BACH2: variants seen among roughly 807,000 people sequenced by gnomAD.
The protein encoded by BACH2 is transcription regulator protein BACH2.
A neutral mutation model predicts 61.8 loss-of-function variants in BACH2; 5 were observed. The observed-to-expected ratio is 0.08, with a 90% CI of 0.04 to 0.17. The LOEUF (loss-of-function observed/expected upper bound fraction) is 0.17, where lower values mean the gene tolerates loss of function less well. Ranked by LOEUF, BACH2 falls within the 10% of genes least tolerant of loss-of-function variation. BACH2 has a pLI of 1.00. For missense variants in BACH2, 824 were observed against 1,091.1 expected, an observed-to-expected ratio of 0.76 and a Z score of 3.45; for synonymous variants, 446 against 440.1, an observed-to-expected ratio of 1.01 and a Z score of -0.17.
At chr6:90,222,635 G>A (rs1769772183) in intron 3 of BACH2, among the ~76,000 whole-genome samples, 1 of 152,166 alleles carries the variant, frequency 6.6e-6, no homozygotes, top group African/African-American at 2.4e-5. Flanking sequence ...ACTTATGTAG[G>A]ATATAGTAAA....
At chr6:90,073,213 A>G (rs1169428487) in intron 5 of BACH2, among the ~76,000 whole-genome samples, 1 of 152,224 alleles carries the variant, frequency 6.6e-6, no homozygotes, top group African/African-American at 2.4e-5. Context: ...GTTAGAAGGC[A>G]TGTTTACTAC....
chr6:89,972,664 C>T (rs1434152668), intron 6 of BACH2, among the ~76,000 whole-genome samples: 2 of 152,110 alleles, frequency 1.3e-5, no homozygotes, highest in Non-Finnish European at 1.5e-5. Flanking sequence ...AAATGGACAC[C>T]TTTGATGTCA....
rs1008329780 is a variant in BACH2 at position 90,278,409 on chromosome 6, G to A, written c.-445-6468C>T. Among the ~76,000 whole-genome samples the A allele has an allele frequency of 6.6e-5, 10 of 152,354 alleles. No individual in the cohort carries two copies. In the East Asian group the frequency reaches 7.7e-4, roughly 12 times the overall value. On this transcript the variant is annotated intron_variant, in intron 1 of 8. Transcript: ENST00000257749. ...CAGGCCATGGAGACCTTTCCAGGCC[G>A]TGGAGACCTTTCCTTCCTTTGAAGC...
At chr6:90,067,564 G>C (rs1479081479) in intron 5 of BACH2, among the ~76,000 whole-genome samples, 1 of 152,200 alleles carries the variant, frequency 6.6e-6, no homozygotes, top group Non-Finnish European at 1.5e-5. Context: ...GAGGGCATGT[G>C]AGAGAGGATG....
chr6:89,993,546 G>A lies in BACH2; in HGVS notation c.243+15056C>T, dbSNP rs551591642. On this transcript the variant is annotated intron_variant, in intron 6 of 8. Coordinates refer to ENST00000257749, the MANE Select transcript of BACH2 (RefSeq NM_021813.4). ...GCGTGAAGTCATTTTAAACATTAGC[G>A]TGAGCCTTACAGGTGCAGATCCATT... is the stretch of plus-strand genomic sequence containing the variant. 3.9e-5 allele frequency among the ~76,000 whole-genome samples: 6 copies of A among 152,268 alleles called. No homozygotes were observed. The South Asian group carries it at 8.3e-4, about 21-fold the overall frequency.
chr6:89,939,295 C>G (rs1274677417), intron 7 of BACH2, among the ~76,000 whole-genome samples: 1 of 152,180 alleles, frequency 6.6e-6, no homozygotes, highest in African/African-American at 2.4e-5. Flanking sequence ...GATTCTCTAG[C>G]CCCAGTCAAA....
intron 4 of BACH2, among the ~76,000 whole-genome samples, chr6:90,168,332 C>T (rs927128775): frequency 7.9e-5 from 12 of 152,110 alleles, no homozygotes; most frequent in African/African-American, 2.9e-4. Flanking sequence ...CCAGCCTGTG[C>T]AACAGGGCAT....
At chr6:90,073,774 T>C (rs1005551025) in intron 5 of BACH2, among the ~76,000 whole-genome samples, 1 of 152,146 alleles carries the variant, frequency 6.6e-6, no homozygotes, top group Non-Finnish European at 1.5e-5. Flanking sequence ...TAAAGCAAAT[T>C]CAATTAAAAT....
chr6:90,004,628 C>T (rs1397935622), intron 6 of BACH2, among the ~76,000 whole-genome samples: 1 of 152,172 alleles, frequency 6.6e-6, no homozygotes, highest in Non-Finnish European at 1.5e-5. Flanking sequence ...CCCTCCCTGT[C>T]CTCTGAACTT....
At chr6:89,978,226 T>C (rs1041589002) in intron 6 of BACH2, among the ~76,000 whole-genome samples, 5 of 152,174 alleles carry the variant, frequency 3.3e-5, no homozygotes, top group African/African-American at 1.2e-4. Context: ...CTGGGACATT[T>C]TATGCTAATA....
chr6:90,133,171 T>C (rs1377516986), intron 4 of BACH2, among the ~76,000 whole-genome samples: 1 of 152,248 alleles, frequency 6.6e-6, no homozygotes, highest in African/African-American at 2.4e-5. Context: ...TCTGCCCACC[T>C]CATCCTTTGT....
At chr6:90,092,675 T>C (rs938249240) in intron 4 of BACH2, among the ~76,000 whole-genome samples, 1 of 152,136 alleles carries the variant, frequency 6.6e-6, no homozygotes, top group Non-Finnish European at 1.5e-5. Context: ...AAGATATTAA[T>C]CGCCATTTCA....
chr6:89,985,681 C>A (rs1342408912), intron 6 of BACH2, among the ~76,000 whole-genome samples: 3 of 152,140 alleles, frequency 2.0e-5, no homozygotes, highest in African/African-American at 7.2e-5. Flanking sequence ...AATACTCAAA[C>A]AAAGGGGATT....
chr6:90,030,225 C>T (rs778116301), intron 5 of BACH2, among the ~76,000 whole-genome samples: 5 of 152,074 alleles, frequency 3.3e-5, no homozygotes, highest in Admixed American at 6.5e-5. Context: ...CCTTCCTTTC[C>T]GCAGCCCTCA....
chr6:90,204,575 C>T (rs1277994562), intron 4 of BACH2, among the ~76,000 whole-genome samples: 2 of 152,120 alleles, frequency 1.3e-5, no homozygotes, highest in Non-Finnish European at 2.9e-5. Context: ...CTTGACATTT[C>T]CGAGGAGTCT....
chr6:90,089,641 T>A (rs1174727378), intron 4 of BACH2, among the ~76,000 whole-genome samples: 1 of 152,132 alleles, frequency 6.6e-6, no homozygotes, highest in African/African-American at 2.4e-5. Flanking sequence ...GTAGAACATT[T>A]GAAACATACA....
chr6:90,279,492 C>T (rs1291028498), intron 1 of BACH2, among the ~76,000 whole-genome samples: 3 of 146,562 alleles, frequency 2.0e-5, no homozygotes, highest in African/African-American at 7.7e-5. Context: ...CACTGCACTC[C>T]AGCCTGGGCG....
chr6:90,237,205 G>A (rs1292362431), intron 3 of BACH2, among the ~76,000 whole-genome samples: 4 of 152,214 alleles, frequency 2.6e-5, no homozygotes, highest in Admixed American at 2.6e-4. Context: ...TTACAGGCGT[G>A]AGCCACTGCG....
At chr6:90,194,967 T>C (rs1335506613) in intron 4 of BACH2, among the ~76,000 whole-genome samples, 3 of 152,234 alleles carry the variant, frequency 2.0e-5, no homozygotes, top group Non-Finnish European at 4.4e-5. Flanking sequence ...GCCCTTTTTC[T>C]TGATGAGAAG....
Sources: gnomAD v4.1 joint callset for allele counts (sites outside exome capture counted in the v4.1 genomes callset) on GRCh38, gnomAD v4.1.1 for gene constraint, MANE v1.5 for transcripts, NCBI Gene and HGNC (gene_info 2026-07-23, HGNC 2026-07-21) for gene names.